The following CEP170B variants were observed in gnomAD, a reference collection of about 807,000 sequenced individuals.
CEP170B encodes centrosomal protein 170B, also known as centrosomal protein of 170 kDa protein B.
A neutral mutation model predicts 120.6 loss-of-function variants in CEP170B; 55 were observed. The ratio of observed to expected loss-of-function variants is 0.46; its 90% CI spans 0.37 to 0.57. The LOEUF (loss-of-function observed/expected upper bound fraction) is 0.57, where lower values mean the gene tolerates loss of function less well. CEP170B is among the 20% of genes least tolerant of loss of function. CEP170B has a pLI of 0.00. For synonymous variants in CEP170B, 1,033 were observed against 954.5 expected, an observed-to-expected ratio of 1.08 and a Z score of -1.52; for missense variants, 2,212 against 2,253.3, an observed-to-expected ratio of 0.98 and a Z score of 0.37.
Position 104,896,368 on chromosome 14 carries a change from C to A in CEP170B, c.*1410C>A. On this transcript the variant is annotated 3_prime_UTR_variant, in exon 19 of 19. Transcript: ENST00000414716. ...GGCAGGTGTCCCCCCCTGGTCCCCG[C>A]CCCAAGAGCCTGCTGTCTGTATGGA... The A allele has an allele frequency of 2.9e-6, 1 of 341,544 alleles. No individual in the cohort carries two copies. Among genetic ancestry groups the A allele is most frequent in the Non-Finnish European group, 5.9e-6 (1 of 170,840 alleles). The allele number at this position is 341,544 out of a possible 1,614,324, so 21.2% of individuals were successfully genotyped here.
Position 104,887,213 on chromosome 14 carries a change from G to GCA in CEP170B, c.2977_2978dup (p.Gln993HisfsTer40). ...GGAGATGTCGCCATCCCCGCCAGCT[G>GCA]CACAGGACCCGGGAGGCACCGCCCT... is the stretch of plus-strand genomic sequence containing the variant. On this transcript the variant is annotated frameshift_variant, in exon 12 of 19. Coordinates refer to ENST00000414716, the MANE Select transcript of CEP170B (RefSeq NM_001112726.3). LOFTEE classifies it high-confidence loss of function. The GCA allele has an allele frequency of 6.2e-7, 1 of 1,605,776 alleles. No homozygotes were observed. The highest frequency in any genetic ancestry group is 8.5e-7 in the Non-Finnish European group (1 of 1,179,664).
Position 104,895,150 on chromosome 14 carries a change from GC to G in CEP170B, c.*196del. The G allele has an allele frequency of 1.7e-6, 1 of 605,998 alleles. No homozygotes were observed. The highest frequency in any genetic ancestry group is 3.4e-5 in the Admixed American group (1 of 29,146). The allele number at this position is 605,998 out of a possible 1,614,324, so 37.5% of individuals were successfully genotyped here. A position where few individuals can be genotyped will look rare whatever the true frequency, so the allele number is the denominator to read the frequency against. On this transcript the variant is annotated 3_prime_UTR_variant, in exon 19 of 19. Transcript: ENST00000414716. ...GCCAGCACCCTACTCACCCTGTCCA[GC>G]CCCATGGCCACCCCCACCCCTGCCT...
Position 104,893,043 on chromosome 14 carries a change from G to A in CEP170B, c.3946G>A (p.Gly1316Ser), listed in dbSNP as rs375680749. The A allele has an allele frequency of 1.4e-5, 23 of 1,594,400 alleles. No individual in the cohort carries two copies. In the African/African-American group the frequency reaches 2.3e-4, roughly 16 times the overall value. ...AQEIHDVAGD[G>S]DTLGSSEPAH... Reference sequence around the variant, plus strand: ...GGAGATCCACGATGTGGCTGGGGACGGTGACACACTGGGCTCCTCGGAGCC... The same window carrying A: ...GGAGATCCACGATGTGGCTGGGGACAGTGACACACTGGGCTCCTCGGAGCC... The change falls in exon 14 of 19, where the codon GGT becomes AGT. Residue 1316 changes from glycine to serine, a missense_variant. By Grantham distance (56) the Gly-to-Ser change is moderately conservative. Coordinates refer to ENST00000414716, the MANE Select transcript of CEP170B (RefSeq NM_001112726.3).
At chr14:104,880,664 CCCT>C (rs1896100669) in intron 6 of CEP170B, among the ~76,000 whole-genome samples, 1 of 151,886 alleles carries the variant, frequency 6.6e-6, no homozygotes, top group Middle Eastern at 3.4e-3. Flanking sequence ...ATGCCTGCAC[CCCT>C]CACTTCTGTA....
chr14:104,872,269 GGTGTGCCGTGT>G (rs1486099602), intron 2 of CEP170B, among the ~76,000 whole-genome samples: 1 of 124,886 alleles, frequency 8.0e-6, no homozygotes, highest in Non-Finnish European at 1.7e-5. Context: ...TGTGCGTGTG[GGTGTGCCGTGT>G]GTGTGCCGCG....
intron 16 of CEP170B, 115 bp from the exon 17 acceptor site, chr14:104,894,170 C>A: frequency 1.2e-6 from 1 of 839,552 alleles, no homozygotes; most frequent in Non-Finnish European, 2.0e-6. Context: ...CCCCCTTAGG[C>A]CCAGGTGGGC....
Position 104,886,047 on chromosome 14 carries a change from C to A in CEP170B, c.1952C>A (p.Pro651Gln). Residue 651 changes from proline to glutamine, a missense_variant, in exon 11 of 19, where the codon CCG (proline) becomes CAG (glutamine). Physicochemically the swap from Pro to Gln is moderately conservative, Grantham distance 76 (BLOSUM62 -1). This residue lies in a region of CEP170B where 2,166 missense variants were observed against 2,166.7 expected (regional missense o/e 1.00). Transcript: ENST00000414716. ...CCACCCTCCTCTCCACAGGGCCTCC[C>A]GGTGCCGGGCTCCCCTGGGGGTCAG... ...AAPQAEHQGL[P>Q]VPGSPGGQKW... 1.3e-6 allele frequency: 2 copies of A among 1,537,802 alleles called. No individual in the cohort carries two copies. The highest frequency in any genetic ancestry group is 1.2e-5 in the South Asian group (1 of 83,342).
chr14:104,894,481 G>A (rs1407200098), intron 17 of CEP170B, 56 bp from the exon 18 acceptor site: 17 of 1,601,324 alleles, frequency 1.1e-5, no homozygotes, highest in Non-Finnish European at 1.2e-5. Flanking sequence ...GAGCCCCGGG[G>A]CAGGGCTGCA....
intron 13 of CEP170B, among the ~76,000 whole-genome samples, chr14:104,892,075 TG>T (rs1216837052): frequency 1.3e-5 from 2 of 151,584 alleles, no homozygotes; most frequent in Non-Finnish European, 2.9e-5. Context: ...ACTGCCAGTG[TG>T]GGGGCCGAGG....
rs1336069794 is a variant in CEP170B at position 104,867,294 on chromosome 14, G to A, written c.-27-1130G>A. ...GAATGCAGTCCCACAAGCGTTCATG[G>A]GCTCACTTCCACCCCTGTCCTGCTG... is the stretch of plus-strand genomic sequence containing the variant. On this transcript the variant is annotated intron_variant, in intron 1 of 18. Coordinates refer to ENST00000414716, the MANE Select transcript of CEP170B (RefSeq NM_001112726.3). The surrounding 1 kb of genome is among the most constrained non-coding windows in gnomAD (Gnocchi z 5.4). Among the ~76,000 whole-genome samples, 1 of 152,104 alleles carries A rather than the reference G, an allele frequency of 6.6e-6. No homozygotes were observed. Among genetic ancestry groups the A allele is most frequent in the East Asian group, 1.9e-4 (1 of 5,182 alleles).
rs1895352907 is a variant in CEP170B, at chr14:104,869,313, G to A, written c.105+758G>A. Among the ~76,000 whole-genome samples, 5 of 152,208 alleles carry A rather than the reference G, an allele frequency of 3.3e-5. 1 individual carries two copies. The highest frequency in any genetic ancestry group is 2.6e-4 in the Admixed American group (4 of 15,282). On this transcript the variant is annotated intron_variant, in intron 2 of 18. Coordinates refer to ENST00000414716, the MANE Select transcript of CEP170B (RefSeq NM_001112726.3). ...GGCACGTGGGCCCCTGACCCAGGTG[G>A]ATGGCACTGTCCAGTCTAGCCGAGG... is the stretch of plus-strand genomic sequence containing the variant.
At chr14:104,872,406 G>T (rs12436761) in intron 2 of CEP170B, among the ~76,000 whole-genome samples, 4 of 65,646 alleles carry the variant, frequency 6.1e-5, no homozygotes, top group Admixed American at 1.9e-4. Flanking sequence ...GGTGTGCGTG[G>T]GTGTGCCGTG....
rs755315653 is a variant in CEP170B at position 104,886,509 on chromosome 14, G to A, written c.2270G>A (p.Arg757Gln). 2.7e-5 allele frequency: 41 copies of A among 1,506,408 alleles called. No homozygotes were observed. The highest frequency in any genetic ancestry group is 4.8e-5 in the East Asian group (2 of 41,926). 93.3% of individuals were successfully genotyped at this position (1,506,408 alleles called of 1,614,324 possible). A position where few individuals can be genotyped will look rare whatever the true frequency, so the allele number is the denominator to read the frequency against. The stretch of plus-strand genomic sequence containing the variant: ...GATGCCAGTGGGTCGGACGGGGGCC[G>A]AGGCCCCGAGCCAGGGGTGGAGCCA... ...LSDASGSDGG[R>Q]GPEPGVEPQD... The change falls in exon 12 of 19, where the codon CGA (arginine) becomes CAA (glutamine). Residue 757 changes from arginine to glutamine, a missense_variant. Physicochemically the swap from Arg to Gln is conservative, Grantham distance 43. Around this residue, in one of 2 missense-constraint regions of CEP170B, gnomAD observed 2,166 missense variants for 2,166.7 expected, o/e 1.00. Transcript: ENST00000414716.
chr14:104,890,661 A>G (rs1277672298), intron 13 of CEP170B, among the ~76,000 whole-genome samples: 36 of 70,160 alleles, frequency 5.1e-4, no homozygotes, highest in Non-Finnish European at 5.9e-4. Context: ...TGAATGGATG[A>G]GTGAGTGGGT....
rs768008038 is a variant in CEP170B at position 104,887,995 on chromosome 14, G to T, written c.3739+17G>T. 27 of 1,470,534 alleles carry T rather than the reference G, an allele frequency of 1.8e-5. No homozygotes were observed. In the East Asian group the frequency reaches 6.4e-4, roughly 35 times the overall value. The allele number at this position is 1,470,534 out of a possible 1,614,324, so 91.1% of individuals were successfully genotyped here. ...ACACCTCCAGTGAGTGCCAGGGCGGGTGGGAGGCCAGGGCCAAGACAGGGC... is the reference window on the plus strand; with the variant it reads ...ACACCTCCAGTGAGTGCCAGGGCGGTTGGGAGGCCAGGGCCAAGACAGGGC... On this transcript the variant is annotated intron_variant, in intron 12 of 18. Coordinates refer to ENST00000414716, the MANE Select transcript of CEP170B (RefSeq NM_001112726.3).
chr14:104,893,291 G>A (rs766155817), intron 14 of CEP170B, among the ~76,000 whole-genome samples, 156 bp downstream of exon 14: 7 of 152,222 alleles, frequency 4.6e-5, no homozygotes, highest in Non-Finnish European at 8.8e-5. Context: ...CGCCCCAAAC[G>A]GCCACCGGAG....
At chr14:104,877,850 C>CG (rs2140662584) in intron 3 of CEP170B, 35 bp from the exon 4 acceptor site, 4 of 378,760 alleles carry the variant, frequency 1.1e-5, no homozygotes, top group African/African-American at 7.3e-5. Flanking sequence ...ACCCGCGCAG[C>CG]TCCCCCCCCC....
In CEP170B at chr14:104,867,662, G is replaced by A. The variant is rs187971535; in HGVS notation, c.-27-762G>A. ...CCTGGCCATTACTCAGGCTGTCCCC[G>A]TTACCTCCCAGGCTGCCACGGGGCT... On this transcript the variant is annotated intron_variant, in intron 1 of 18. Coordinates refer to ENST00000414716, the MANE Select transcript of CEP170B (RefSeq NM_001112726.3). The surrounding 1 kb of genome is among the most constrained non-coding windows in gnomAD (Gnocchi z 5.4). 1.2e-4 allele frequency among the ~76,000 whole-genome samples: 18 copies of A among 152,206 alleles called. No individual in the cohort carries two copies. The highest frequency in any genetic ancestry group is 3.6e-4 in the African/African-American group (15 of 41,510).
In CEP170B at chr14:104,868,438, A is replaced by G. The variant is rs1298208616; in HGVS notation, c.-13A>G. Reference sequence around the variant, plus strand: ...CTCTTCCCCAGGGCCAGACGGGCCCAGCCAGCACCAAGATGAGTGCCACGT... The same window carrying G: ...CTCTTCCCCAGGGCCAGACGGGCCCGGCCAGCACCAAGATGAGTGCCACGT... On this transcript the variant is annotated 5_prime_UTR_variant, in exon 2 of 19. Transcript: ENST00000414716. The surrounding 1 kb of genome is among the most constrained non-coding windows in gnomAD (Gnocchi z 5.9). The G allele has an allele frequency of 1.3e-6, 2 of 1,548,000 alleles. No homozygotes were observed. Among genetic ancestry groups the G allele is most frequent in the South Asian group, 2.4e-5 (2 of 83,956 alleles).
Sources: allele counts gnomAD v4.1 joint callset (sites outside exome capture counted in the v4.1 genomes callset), GRCh38; gene constraint gnomAD v4.1.1; regional missense constraint gnomAD v4.1.1; non-coding constraint Gnocchi (gnomAD v3.1); transcripts MANE v1.5; gene names NCBI Gene and HGNC (gene_info 2026-07-23, HGNC 2026-07-21).